RGL4: variants seen among roughly 807,000 people sequenced by gnomAD.
RGL4 encodes ral guanine nucleotide dissociation stimulator like 4.
A neutral mutation model predicts 49.6 loss-of-function variants in RGL4; 41 were observed. The ratio of observed to expected loss-of-function variants is 0.83; its 90% CI spans 0.64 to 1.07. The LOEUF (loss-of-function observed/expected upper bound fraction) is 1.07. Among genes scored for constraint, RGL4 ranks in the 50% least tolerant of loss-of-function variants. RGL4 has a pLI of 0.00. For missense variants in RGL4, 610 were observed against 591.9 expected (o/e 1.03, Z -0.32); for synonymous variants, 255 against 238.0 (o/e 1.07, Z -0.66).
At chr22:23,695,530 G>A (rs910775731) in intron 6 of RGL4, 1 of 473,060 alleles carries the variant, frequency 2.1e-6, no homozygotes, top group African/African-American at 2.0e-5. Flanking sequence ...GGGGGAGAGG[G>A]GGAACAACAA....
chr22:23,696,404 G>A, intron 6 of RGL4: 1 of 1,513,410 alleles, frequency 6.6e-7, no homozygotes, highest in Non-Finnish European at 8.9e-7. Context: ...GCTGTGGTTT[G>A]CATCACTCTT....
chr22:23,694,446 T>A lies in RGL4; in HGVS notation c.1012T>A (p.Ser338Thr). Residue 338 changes from serine (S) to threonine (T), a missense_variant, in exon 5 of 11, where the codon TCC becomes ACC. By Grantham distance (58) the Ser-to-Thr change is moderately conservative. Transcript: ENST00000290691. The part of the protein sequence containing the change: ...GQLHKTWAGV[S>T]SKSMKELKEL... ...GCTACACAAGACGTGGGCAGGAGTG[T>A]CCAGGTGAGGAGGGCTCTCTCCATG... 6.2e-7 allele frequency: 1 copy of A among 1,609,498 alleles called. No individual in the cohort carries two copies. Among genetic ancestry groups the A allele is most frequent in the Non-Finnish European group, 8.5e-7 (1 of 1,176,044 alleles).
chr22:23,696,478 G>A (rs900940172), intron 6 of RGL4, 136 bp from the exon 7 acceptor site: 1 of 1,554,048 alleles, frequency 6.4e-7, no homozygotes, highest in Admixed American at 1.9e-5. Context: ...CACAGGGAGT[G>A]TGGATCTGGG....
At position 23,692,171 on chromosome 22, in the gene RGL4, C is replaced by T; in HGVS notation, c.141C>T (p.Gly47=). ...RTRVCTALLY[G]QVCPFQDSTD... ...GGGTCTGTACAGCCCTGCTGTATGG[C>T]CAGGTCTGCCCCTTCCAGGACAGCA... Residue 47 remains glycine (G), a synonymous_variant, in exon 1 of 11, where the codon GGC becomes GGT. Transcript: ENST00000290691. The T allele has an allele frequency of 1.2e-6, 2 of 1,614,164 alleles. No individual in the cohort carries two copies. Among genetic ancestry groups the T allele is most frequent in the East Asian group, 2.2e-5 (1 of 44,886 alleles).
Position 23,699,114 on chromosome 22 carries a change from T to A in RGL4, c.*231T>A, listed in dbSNP as rs1037971642. 3.3e-6 allele frequency: 5 copies of A among 1,510,560 alleles called. No individual in the cohort carries two copies. The Admixed American group carries it at 8.4e-5, about 25-fold the overall frequency. 93.6% of individuals were successfully genotyped at this position (1,510,560 alleles called of 1,614,324 possible). A position where few individuals can be genotyped will look rare whatever the true frequency, so the allele number is the denominator to read the frequency against. Reference sequence around the variant, plus strand: ...ACCATTTTATGTTTATTTTCTTTAGTGTATAAGTAAGGGTTTTTTCTTAAC... The same window carrying A: ...ACCATTTTATGTTTATTTTCTTTAGAGTATAAGTAAGGGTTTTTTCTTAAC... On this transcript the variant is annotated 3_prime_UTR_variant, in exon 11 of 11. Coordinates refer to ENST00000290691, the MANE Select transcript of RGL4 (RefSeq NM_153615.2).
chr22:23,692,990 C>A lies in RGL4; in HGVS notation c.695C>A (p.Ala232Glu), dbSNP rs144310148. The A allele has an allele frequency of 6.3e-7, 1 of 1,594,700 alleles. No homozygotes were observed. Among genetic ancestry groups the A allele is most frequent in the Non-Finnish European group, 8.6e-7 (1 of 1,168,862 alleles). ...GCAGAGCAGCTGACCCTCATGGATG[C>A]GGTGAGCAGCTGAGCTTTGCAGGCT... is the stretch of plus-strand genomic sequence containing the variant. ...LLAEQLTLMD[A>E]ELFKKVVLHE... is the part of the protein sequence containing the mutation. The change falls in exon 3 of 11, where the codon GCG becomes GAG. Residue 232 changes from alanine (A) to glutamate (E), a missense_variant and splice_region_variant. Coordinates refer to ENST00000290691, the MANE Select transcript of RGL4 (RefSeq NM_153615.2).
rs1291739410 is a variant in RGL4, at chr22:23,692,195, C to T, written c.165C>T (p.Ser55=). ...LYGQVCPFQD[S]TDGLRTITSI... ...GCCAGGTCTGCCCCTTCCAGGACAG[C>T]ACTGATGGCTTACGGTAGGGTGGGG... Residue 55 remains serine (S), a synonymous_variant, in exon 1 of 11, where the codon AGC becomes AGT. Coordinates refer to ENST00000290691, the MANE Select transcript of RGL4 (RefSeq NM_153615.2). The T allele has an allele frequency of 6.2e-7, 1 of 1,613,404 alleles. No homozygotes were observed. Among genetic ancestry groups the T allele is most frequent in the Non-Finnish European group, 8.5e-7 (1 of 1,179,418 alleles).
intron 4 of RGL4, 57 bp from the exon 5 acceptor site, chr22:23,694,290 G>A (rs1339134699): frequency 3.8e-6 from 5 of 1,312,316 alleles, no homozygotes; most frequent in Non-Finnish European, 5.5e-6. Flanking sequence ...AGGGGGCTGA[G>A]GCTGTAGTGG....
chr22:23,697,137 A>G (rs764754808), intron 7 of RGL4, 34 bp from the exon 8 acceptor site: 1 of 1,519,800 alleles, frequency 6.6e-7, no homozygotes. Flanking sequence ...CATCACCACT[A>G]CCCCTCCCAC....
intron 8 of RGL4, 81 bp from the exon 9 acceptor site, chr22:23,697,757 C>T (rs941482775): frequency 2.7e-6 from 4 of 1,472,952 alleles, no homozygotes; most frequent in Non-Finnish European, 3.7e-6. Context: ...GTGGCCCTGG[C>T]AGTAGTGCAG....
chr22:23,692,603 G>T, intron 2 of RGL4, 66 bp from the exon 3 acceptor site: 1 of 1,577,152 alleles, frequency 6.3e-7, no homozygotes, highest in East Asian at 2.3e-5. Flanking sequence ...ATTCCACCCG[G>T]TCATTTCTGT....
In RGL4 at chr22:23,694,317, G is replaced by A. The variant is rs763212725; in HGVS notation, c.913-30G>A. The A allele has an allele frequency of 1.1e-5, 17 of 1,543,038 alleles. No homozygotes were observed. In the South Asian group the frequency reaches 1.9e-4, roughly 17 times the overall value. On this transcript the variant is annotated intron_variant, in intron 4 of 10. Transcript: ENST00000290691. ...CTGTAGTGGGCCAAGCTCCAACTCT[G>A]AACCGCACAGCTCATTCTTCCCTCT...
chr22:23,698,898 G>A lies in RGL4; in HGVS notation c.*15G>A, dbSNP rs898948213. Reference sequence around the variant, plus strand: ...AAAACCCGTAGGCTGGCAACATCCTGCAGTGGCTGGGAACCCACCGGGATG... The same window carrying A: ...AAAACCCGTAGGCTGGCAACATCCTACAGTGGCTGGGAACCCACCGGGATG... On this transcript the variant is annotated 3_prime_UTR_variant, in exon 11 of 11. Coordinates refer to ENST00000290691, the MANE Select transcript of RGL4 (RefSeq NM_153615.2). 1.3e-5 allele frequency: 21 copies of A among 1,612,186 alleles called. No individual in the cohort carries two copies. Among genetic ancestry groups the A allele is most frequent in the Non-Finnish European group, 1.7e-5 (20 of 1,179,314 alleles).
chr22:23,695,427 G>A, intron 6 of RGL4: 1 of 535,354 alleles, frequency 1.9e-6, no homozygotes, highest in Admixed American at 2.4e-5. Flanking sequence ...AATTCCTCAG[G>A]AAGCCAGGCC....
In RGL4 at chr22:23,693,844, C is replaced by G. The variant is rs1481669996; in HGVS notation, c.782C>G (p.Pro261Arg). The G allele has an allele frequency of 2.5e-6, 4 of 1,614,004 alleles. No individual in the cohort carries two copies. The highest frequency in any genetic ancestry group is 3.4e-6 in the Non-Finnish European group (4 of 1,179,982). Residue 261 changes from proline to arginine, a missense_variant, in exon 4 of 11, where the codon CCC (proline) becomes CGC (arginine). Pro to Arg is a moderately radical substitution (Grantham distance 103). Transcript: ENST00000290691. ...GHLKGNEHMA[P>R]TVRATIAHFN... ...CTGAAGGGGAATGAGCACATGGCAC[C>G]CACAGTTCGTGCCACCATCGCACAC...
chr22:23,697,057 G>A lies in RGL4; in HGVS notation c.1162-114G>A, dbSNP rs1161781299. The A allele has an allele frequency of 3.7e-6, 3 of 804,310 alleles. No homozygotes were observed. The East Asian group carries it at 7.5e-5, about 20-fold the overall frequency. 49.8% of individuals were successfully genotyped at this position (804,310 alleles called of 1,614,324 possible). ...TCCAACCGGGAGACCTGAGGAGGGG[G>A]CTCTGGGAGACAGGGGCTGATGGGA... On this transcript the variant is annotated intron_variant, in intron 7 of 10. Transcript: ENST00000290691.
rs750781587 is a variant in RGL4, at chr22:23,692,466, A to G, written c.311A>G (p.Asp104Gly). 2 of 1,614,092 alleles carry G rather than the reference A, an allele frequency of 1.2e-6. No homozygotes were observed. The highest frequency in any genetic ancestry group is 2.2e-5 in the South Asian group (2 of 91,086). The change falls in exon 2 of 11, where the codon GAC becomes GGC. Residue 104 changes from aspartate (D) to glycine (G), a missense_variant. By Grantham distance (94) the Asp-to-Gly change is moderately conservative. Transcript: ENST00000290691. ...NLSWPGLGLE[D>G]HQEIVLGQLV... ...TCCTGGCCTGGACTGGGCTTGGAGG[A>G]CCATCAGGAAATTGTCCTAGGCCAG... is the stretch of plus-strand genomic sequence containing the variant.
At position 23,698,313 on chromosome 22, in the gene RGL4, G is replaced by A; in HGVS notation, c.1362G>A (p.Glu454=). Residue 454 remains glutamate, a synonymous_variant, in exon 10 of 11, where the codon GAG becomes GAA. Coordinates refer to ENST00000290691, the MANE Select transcript of RGL4 (RefSeq NM_153615.2). ...TTGTCACCTATTTCACAAGAATGGA[G>A]CAGCTCAGTGACAAAGAGAGGTGAG... is the stretch of plus-strand genomic sequence containing the variant. ...EKFVTYFTRM[E]QLSDKESYKL... 5 of 1,607,324 alleles carry A rather than the reference G, an allele frequency of 3.1e-6. No homozygotes were observed. Among genetic ancestry groups the A allele is most frequent in the Non-Finnish European group, 4.3e-6 (5 of 1,174,276 alleles).
chr22:23,694,341 C>T lies in RGL4; in HGVS notation c.913-6C>T. Reference sequence around the variant, plus strand: ...TGAACCGCACAGCTCATTCTTCCCTCTCCAGGAGTGCCTAAGCCTCAACAA... The same window carrying T: ...TGAACCGCACAGCTCATTCTTCCCTTTCCAGGAGTGCCTAAGCCTCAACAA... On this transcript the variant is annotated splice_polypyrimidine_tract_variant and splice_region_variant and intron_variant, in intron 4 of 10. Coordinates refer to ENST00000290691, the MANE Select transcript of RGL4 (RefSeq NM_153615.2). 6.2e-7 allele frequency: 1 copy of T among 1,609,730 alleles called. No homozygotes were observed. The highest frequency in any genetic ancestry group is 8.5e-7 in the Non-Finnish European group (1 of 1,176,024).
Sources: gnomAD v4.1 joint callset for allele counts on GRCh38, gnomAD v4.1.1 for gene constraint, MANE v1.5 for transcripts, NCBI Gene and HGNC (gene_info 2026-07-23, HGNC 2026-07-21) for gene names.